LRRC9: variants seen among roughly 807,000 people sequenced by gnomAD.
The protein encoded by LRRC9 is leucine rich repeat containing 9.
LRRC9 carries 122 observed loss-of-function variants against 63.2 expected under a neutral mutation model. That is an observed-to-expected ratio of 1.93 (90% CI 1.67 to 2.24). LRRC9 has a LOEUF of 2.24. Ranked by LOEUF, LRRC9 falls within the 30% of genes most tolerant of loss-of-function variation. LRRC9 has a pLI of 0.00. For missense variants in LRRC9, 1,071 were observed against 627.7 expected (o/e 1.71, Z -7.55); for synonymous variants, 366 against 213.1 (o/e 1.72, Z -6.25).
chr14:60,056,206 A>G (rs943965024), intron 30 of LRRC9, among the ~76,000 whole-genome samples: 6 of 152,204 alleles, frequency 3.9e-5, no homozygotes, highest in Non-Finnish European at 8.8e-5. Flanking sequence ...ATTAGGATGT[A>G]GATATCTTTA....
At chr14:60,030,892 A>G (rs1285671052) in intron 28 of LRRC9, among the ~76,000 whole-genome samples, 2 of 152,066 alleles carry the variant, frequency 1.3e-5, no homozygotes, top group African/African-American at 2.4e-5. Context: ...AATTATGGAC[A>G]TATTAGTTTC....
chr14:60,040,583 C>T (rs1566900804), intron 29 of LRRC9, among the ~76,000 whole-genome samples: 1 of 151,686 alleles, frequency 6.6e-6, no homozygotes, highest in Non-Finnish European at 1.5e-5. Context: ...GATTGCAACC[C>T]CTGCATTTTT....
exon 10 of LRRC9, chr14:59,960,972 A>C (rs1884293774): frequency 2.9e-6 from 2 of 696,932 alleles, no homozygotes; most frequent in Admixed American, 2.0e-5. Context: ...TGGCTTATTG[A>C]TCCCACTTTT....
At chr14:60,052,442 T>C (rs1045071912) in intron 29 of LRRC9, among the ~76,000 whole-genome samples, 2 of 152,206 alleles carry the variant, frequency 1.3e-5, no homozygotes, top group African/African-American at 4.8e-5. Context: ...CTTCCTATCA[T>C]GTACCAAAAT....
rs1889627250 is a variant in LRRC9, at chr14:60,004,233, CATT to C, written c.2842+437_2842+439del. Among the ~76,000 whole-genome samples the C allele has an allele frequency of 6.6e-6, 1 of 151,988 alleles. No homozygotes were observed. Among genetic ancestry groups the C allele is most frequent in the South Asian group, 2.1e-4 (1 of 4,820 alleles). ...CATTAGCACATACCAACTAGTTAGTCATTAATGTCTGTAAAGTTGAGTAAACAA... is the reference window on the plus strand; with the variant it reads ...CATTAGCACATACCAACTAGTTAGTCAATGTCTGTAAAGTTGAGTAAACAA... On this transcript the variant is annotated intron_variant, in intron 21 of 31. Coordinates refer to ENST00000445360, the Ensembl canonical transcript of LRRC9. This position sits in a 1 kb window ranked among gnomAD's most constrained non-coding sequence, Gnocchi z 4.8.
At chr14:59,957,393 T>C (rs1883878645) in intron 8 of LRRC9, among the ~76,000 whole-genome samples, 1 of 152,092 alleles carries the variant, frequency 6.6e-6, no homozygotes, top group South Asian at 2.1e-4. Context: ...CAATCTCTGA[T>C]ATCCTTTATT....
At chr14:60,047,948 A>G (rs1019068685) in intron 29 of LRRC9, among the ~76,000 whole-genome samples, 3 of 152,242 alleles carry the variant, frequency 2.0e-5, no homozygotes, top group African/African-American at 7.2e-5. Flanking sequence ...ACAGTCTCTC[A>G]AATCACAATA....
In LRRC9 at chr14:59,930,629, T is replaced by G. The variant is rs1276179103; in HGVS notation, c.268-289T>G. On this transcript the variant is annotated intron_variant, in intron 3 of 31. Transcript: ENST00000445360. The surrounding 1 kb of genome is among the most constrained non-coding windows in gnomAD (Gnocchi z 4.9). ...AATCATTTCTATATGATTATAATCATAACCATATAGAAATATGATATGTGA... is the reference window on the plus strand; with the variant it reads ...AATCATTTCTATATGATTATAATCAGAACCATATAGAAATATGATATGTGA... Among the ~76,000 whole-genome samples the G allele has an allele frequency of 1.3e-5, 2 of 151,770 alleles. No homozygotes were observed. Among genetic ancestry groups the G allele is most frequent in the African/African-American group, 2.4e-5 (1 of 41,404 alleles).
At position 60,042,290 on chromosome 14, in the gene LRRC9, C is replaced by T. The variant is rs1352846970; in HGVS notation, c.3990+10227C>T. Among the ~76,000 whole-genome samples, 2 of 152,142 alleles carry T rather than the reference C, an allele frequency of 1.3e-5. No homozygotes were observed. The highest frequency in any genetic ancestry group is 6.5e-5 in the Admixed American group (1 of 15,270). On this transcript the variant is annotated intron_variant, in intron 29 of 31. Transcript: ENST00000445360. This position sits in a 1 kb window ranked among gnomAD's most constrained non-coding sequence, Gnocchi z 4.2. Reference sequence around the variant, plus strand: ...TCTCTTCAAAGCTGTCAGATAGGGACGTTTAAGTCTGCAGAAGTTTCTGCT... The same window carrying T: ...TCTCTTCAAAGCTGTCAGATAGGGATGTTTAAGTCTGCAGAAGTTTCTGCT...
chr14:60,008,711 A>G (rs753715687), intron 23 of LRRC9, among the ~76,000 whole-genome samples: 31 of 152,358 alleles, frequency 2.0e-4, no homozygotes, highest in Non-Finnish European at 4.3e-4. Context: ...ACTGGATTCT[A>G]TAACAAGCAA....
intron 29 of LRRC9, among the ~76,000 whole-genome samples, chr14:60,039,613 T>G (rs1480394986): frequency 6.6e-6 from 1 of 152,066 alleles, no homozygotes; most frequent in African/African-American, 2.4e-5. Flanking sequence ...GGTGATATCC[T>G]GTTTATCATT....
Position 59,960,088 on chromosome 14 carries a change from C to A in LRRC9, c.1079+74C>A, listed in dbSNP as rs75031895. On this transcript the variant is annotated intron_variant, in intron 9 of 31. Transcript: ENST00000445360. Reference sequence around the variant, plus strand: ...CAGAATGTTTTGGGCCATCAGTTGACCCTAGTTCCCTTCTTCAGGAGTATG... The same window carrying A: ...CAGAATGTTTTGGGCCATCAGTTGAACCTAGTTCCCTTCTTCAGGAGTATG... 3.7e-3 allele frequency: 2,036 copies of A among 555,478 alleles called. 31 individuals carry two copies. The highest frequency in any genetic ancestry group is 0.035 in the African/African-American group (1,821 of 52,718). The allele number at this position is 555,478 out of a possible 1,614,324, so 34.4% of individuals were successfully genotyped here.
At chr14:60,055,624 G>A (rs1210633085) in intron 30 of LRRC9, among the ~76,000 whole-genome samples, 1 of 152,016 alleles carries the variant, frequency 6.6e-6, no homozygotes, top group African/African-American at 2.4e-5. Context: ...CAGGCTTGGC[G>A]GCTTATGCCT....
At chr14:60,029,424 A>C (rs1165161380) in intron 28 of LRRC9, among the ~76,000 whole-genome samples, 2 of 152,076 alleles carry the variant, frequency 1.3e-5, no homozygotes, top group Non-Finnish European at 2.9e-5. Flanking sequence ...CTCCATTTTA[A>C]ACTTGAAATT....
chr14:60,042,454 T>C lies in LRRC9; in HGVS notation c.3990+10391T>C, dbSNP rs1893035285. On this transcript the variant is annotated intron_variant, in intron 29 of 31. Coordinates refer to ENST00000445360, the Ensembl canonical transcript of LRRC9. This position sits in a 1 kb window ranked among gnomAD's most constrained non-coding sequence, Gnocchi z 4.2. ...CTATTCAAGCCTCAGCAATGGCGGA[T>C]GCCCCTCCCCTAGCCTCGCTGCTGC... Among the ~76,000 whole-genome samples, 1 of 152,174 alleles carries C rather than the reference T, an allele frequency of 6.6e-6. No individual in the cohort carries two copies. The highest frequency in any genetic ancestry group is 1.5e-5 in the Non-Finnish European group (1 of 68,028).
intron 8 of LRRC9, among the ~76,000 whole-genome samples, chr14:59,952,551 C>G (rs1434786642): frequency 6.6e-5 from 10 of 152,152 alleles, no homozygotes; most frequent in Non-Finnish European, 1.0e-4. Context: ...CTGGATATAT[C>G]TATTATAGAG....
At chr14:60,052,187 ACT>A (rs1000946274) in intron 29 of LRRC9, among the ~76,000 whole-genome samples, 12 of 152,186 alleles carry the variant, frequency 7.9e-5, no homozygotes, top group African/African-American at 2.7e-4. Flanking sequence ...TAATTGGAAC[ACT>A]GAGACCATTT....
chr14:60,007,927 G>C (rs1309542865), intron 22 of LRRC9, among the ~76,000 whole-genome samples, 165 bp from the exon 23 acceptor site: 1 of 117,326 alleles, frequency 8.5e-6, no homozygotes, highest in South Asian at 3.0e-4. Context: ...GCAACAGCAC[G>C]AGACCATGTC....
rs750144912 is a variant in LRRC9 at position 59,922,332 on chromosome 14, G to C, written c.-34+2449G>C. On this transcript the variant is annotated intron_variant, in intron 1 of 31. Transcript: ENST00000445360. This position sits in a 1 kb window ranked among gnomAD's most constrained non-coding sequence, Gnocchi z 5.3. Reference sequence around the variant, plus strand: ...AGTGGCTTGAGGTGTTCTCAGTCCAGATGGCAGTGAATCCAGGACTGAAAG... The same window carrying C: ...AGTGGCTTGAGGTGTTCTCAGTCCACATGGCAGTGAATCCAGGACTGAAAG... 1.3e-5 allele frequency among the ~76,000 whole-genome samples: 2 copies of C among 152,142 alleles called. No individual in the cohort carries two copies. The highest frequency in any genetic ancestry group is 2.9e-5 in the Non-Finnish European group (2 of 68,016).
Sources: allele counts gnomAD v4.1 joint callset (sites outside exome capture counted in the v4.1 genomes callset), GRCh38; gene constraint gnomAD v4.1.1; non-coding constraint Gnocchi (gnomAD v3.1); transcripts MANE v1.5; gene names NCBI Gene and HGNC (gene_info 2026-07-23, HGNC 2026-07-21).